Variants in CHM observed in about 807,000 individuals in gnomAD.
CHM encodes CHM Rab escort protein, also known as rab proteins geranylgeranyltransferase component A 1.
In CHM, 10 loss-of-function variants were observed where a neutral mutation model predicts 49.0. The observed-to-expected ratio is 0.20, with a 90% CI of 0.13 to 0.35. CHM has a LOEUF of 0.35. CHM is among the 10% of genes least tolerant of loss of function. The pLI, the probability that CHM is intolerant of heterozygous loss-of-function variation, is 1.00. For missense variants in CHM, 455 were observed against 478.4 expected, an observed-to-expected ratio of 0.95 and a Z score of 0.46; for synonymous variants, 184 against 167.5, an observed-to-expected ratio of 1.10 and a Z score of -0.76.
chrX:85,892,566 C>T (rs147046626), intron 12 of CHM, among the ~76,000 whole-genome samples: 51 of 111,284 alleles, frequency 4.6e-4, no homozygotes, highest in African/African-American at 1.6e-3. Context: ...ACCTCCCTAG[C>T]CATGTGGAAC....
chrX:85,977,653 C>T lies in CHM; in HGVS notation c.314+1114G>A, dbSNP rs1204779823. Among the ~76,000 whole-genome samples the T allele has an allele frequency of 2.7e-5, 3 of 112,142 alleles. 1 individual carries two copies. The Middle Eastern group carries it at 0.014, about 514-fold the overall frequency. ...GTTACCAAATATTTATTCCTCATTTCGTTAAAGCATATGTCTTTTCAGTTG... is the reference window on the plus strand; with the variant it reads ...GTTACCAAATATTTATTCCTCATTTTGTTAAAGCATATGTCTTTTCAGTTG... On this transcript the variant is annotated intron_variant, in intron 4 of 14. Transcript: ENST00000357749.
chrX:85,933,379 C>A (rs1255301243), intron 8 of CHM, among the ~76,000 whole-genome samples: 1 of 111,687 alleles, frequency 9.0e-6, no homozygotes, highest in Non-Finnish European at 1.9e-5. Context: ...TCCTAATCCT[C>A]ATAATAACCC....
Position 85,941,348 on chromosome X carries a change from T to A in CHM, c.1166+14805A>T, listed in dbSNP as rs375980962. ...CTCATGCTCCACCCAGATCTACAAG[T>A]AAGAAATGCTGGAGATGGAACTCAG... On this transcript the variant is annotated intron_variant, in intron 8 of 14. Transcript: ENST00000357749. 1.9e-4 allele frequency among the ~76,000 whole-genome samples: 21 copies of A among 111,523 alleles called. No individual in the cohort carries two copies. In the East Asian group the frequency reaches 4.8e-3, roughly 26 times the overall value.
intron 2 of CHM, among the ~76,000 whole-genome samples, chrX:86,025,727 A>G (rs186779289): frequency 4.0e-3 from 230 of 56,900 alleles, no homozygotes; most frequent in African/African-American, 0.018. Flanking sequence ...AAAGAAAAAG[A>G]AAAAAAAAAC....
chrX:85,946,714 G>A (rs147331482), intron 8 of CHM, among the ~76,000 whole-genome samples: 1,422 of 111,625 alleles, frequency 0.013, 78 homozygotes, highest in Admixed American at 0.12. Context: ...ATGTGGGGTC[G>A]GAGGCCCCAT....
At chrX:85,920,809 C>T (rs1268280928) in intron 8 of CHM, among the ~76,000 whole-genome samples, 1 of 111,823 alleles carries the variant, frequency 8.9e-6, no homozygotes, top group Non-Finnish European at 1.9e-5. Context: ...GCCCCATTGT[C>T]AGTATTATCT....
At chrX:85,954,633 C>T (rs759708199) in intron 8 of CHM, among the ~76,000 whole-genome samples, 16 of 111,365 alleles carry the variant, frequency 1.4e-4, no homozygotes, top group African/African-American at 4.2e-4. Flanking sequence ...GTGGCTCACG[C>T]CTGTAATACC....
chrX:85,880,109 T>C (rs1924669635), intron 12 of CHM, among the ~76,000 whole-genome samples: 1 of 110,793 alleles, frequency 9.0e-6, no homozygotes, highest in African/African-American at 3.3e-5. Context: ...TAAAATCAAA[T>C]GTTGTAGGTT....
intron 14 of CHM, among the ~76,000 whole-genome samples, chrX:85,865,725 T>C (rs1923650763): frequency 8.9e-6 from 1 of 111,989 alleles, no homozygotes; most frequent in Admixed American, 9.5e-5. Context: ...TGAGGTGGCC[T>C]CAGATGGAGA....
At chrX:85,983,738 A>G (rs958428549) in intron 2 of CHM, among the ~76,000 whole-genome samples, 6 of 112,056 alleles carry the variant, frequency 5.4e-5, no homozygotes, top group Non-Finnish European at 9.4e-5. Context: ...AGTAATAAAT[A>G]TATATCAAAA....
chrX:86,011,605 T>C (rs1233550109), intron 2 of CHM, among the ~76,000 whole-genome samples: 1 of 111,868 alleles, frequency 8.9e-6, no homozygotes, highest in Non-Finnish European at 1.9e-5. Context: ...TGGTAGACAA[T>C]GGCTCCCCAA....
intron 4 of CHM, chrX:85,969,141 T>C: frequency 1.4e-6 from 1 of 712,536 alleles, no homozygotes; most frequent in Non-Finnish European, 1.7e-6. Context: ...ACATTAGAGT[T>C]GGTTCATTTG....
chrX:85,998,373 C>T (rs1932543957), intron 2 of CHM, among the ~76,000 whole-genome samples: 1 of 111,457 alleles, frequency 9.0e-6, no homozygotes, highest in East Asian at 2.8e-4. Flanking sequence ...ACATAAAAAA[C>T]GATAATGAGT....
chrX:86,018,363 T>C (rs774664674), intron 2 of CHM, among the ~76,000 whole-genome samples: 6 of 111,411 alleles, frequency 5.4e-5, no homozygotes, highest in Middle Eastern at 4.7e-3. Context: ...TTACCAAAAA[T>C]ACAAAAAAAG....
At chrX:86,023,589 C>T (rs1320189707) in intron 2 of CHM, among the ~76,000 whole-genome samples, 1 of 111,484 alleles carries the variant, frequency 9.0e-6, no homozygotes, top group East Asian at 2.8e-4. Context: ...GATTGTGAGT[C>T]AGTGTATTTT....
chrX:85,996,193 C>T (rs991974386), intron 2 of CHM, among the ~76,000 whole-genome samples: 2 of 111,786 alleles, frequency 1.8e-5, no homozygotes, highest in Non-Finnish European at 3.8e-5. Context: ...TAAAAAGAAA[C>T]CTCACATGAA....
At chrX:86,018,188 A>G (rs1184688276) in intron 2 of CHM, among the ~76,000 whole-genome samples, 2 of 112,580 alleles carry the variant, frequency 1.8e-5, no homozygotes, top group African/African-American at 6.5e-5. Flanking sequence ...TCAAAACCCA[A>G]CAGTAAAACA....
intron 8 of CHM, among the ~76,000 whole-genome samples, chrX:85,951,552 C>T (rs1380354568): frequency 9.0e-6 from 1 of 111,622 alleles, no homozygotes; most frequent in Non-Finnish European, 1.9e-5. Context: ...ACATCCAACA[C>T]ATATAACTGA....
intron 8 of CHM, among the ~76,000 whole-genome samples, chrX:85,945,261 G>A (rs1227738208): frequency 2.7e-5 from 3 of 109,520 alleles, no homozygotes; most frequent in East Asian, 2.9e-4. Context: ...TGTCCCTGTC[G>A]AAATCTCAAG....
Sources: allele counts gnomAD v4.1 joint callset (sites outside exome capture counted in the v4.1 genomes callset), GRCh38; gene constraint gnomAD v4.1.1; transcripts MANE v1.5; gene names NCBI Gene and HGNC (gene_info 2026-07-23, HGNC 2026-07-21).